Variants in RYR1 observed in about 807,000 individuals in gnomAD.
RYR1 encodes central core disease of muscle.
Under a neutral mutation model 583.5 loss-of-function variants are expected in RYR1, and 342 were observed. The ratio of observed to expected loss-of-function variants is 0.59; its 90% CI spans 0.54 to 0.64. The LOEUF (loss-of-function observed/expected upper bound fraction) is 0.64, where lower values mean the gene tolerates loss of function less well. RYR1 is among the 30% of genes least tolerant of loss of function. The pLI is 0.00. For missense variants in RYR1, 6,032 were observed against 6,917.2 expected (o/e 0.87, Z 4.54); for synonymous variants, 2,791 against 2,822.5 (o/e 0.99, Z 0.35).
At chr19:38,475,557 G>A (rs529683746) in intron 29 of RYR1, 107 bp downstream of exon 29, 1 of 1,373,542 alleles carries the variant, frequency 7.3e-7, no homozygotes, top group African/African-American at 1.4e-5. Context: ...CCTTACACTG[G>A]GGACTCCCCA....
rs775749719 is a variant in RYR1, at chr19:38,500,595, C to CT, written c.7324-10dup. Reference sequence around the variant, plus strand: ...CTGATGAGTGCCCCTCTCCCTCCCTCTACTCCCCAGCTAATCCAAGCCGGC... The same window carrying CT: ...CTGATGAGTGCCCCTCTCCCTCCCTCTTACTCCCCAGCTAATCCAAGCCGGC... On this transcript the variant is annotated splice_polypyrimidine_tract_variant and intron_variant, in intron 45 of 105. Transcript: ENST00000359596. The surrounding 1 kb of genome is among the most constrained non-coding windows in gnomAD (Gnocchi z 5.9). 6.8e-6 allele frequency: 11 copies of CT among 1,612,086 alleles called. No homozygotes were observed. In the African/African-American group the frequency reaches 1.5e-4, roughly 22 times the overall value.
At chr19:38,448,273 A>T in intron 9 of RYR1, 82 bp from the exon 10 acceptor site, 2 of 1,488,030 alleles carry the variant, frequency 1.3e-6, no homozygotes, top group Non-Finnish European at 1.8e-6. Flanking sequence ...TTCTGTAAAA[A>T]AAAGAAAAAG....
rs1300116692 is a variant in RYR1, at chr19:38,565,122, A to T, written c.12788A>T (p.Glu4263Val). 2.0e-6 allele frequency: 3 copies of T among 1,536,102 alleles called. No individual in the cohort carries two copies. The East Asian group carries it at 7.3e-5, about 38-fold the overall frequency. The change falls in exon 91 of 106, where the codon GAG becomes GTG. Residue 4263 changes from glutamate (E) to valine (V), a missense_variant. Physicochemically the swap from Glu to Val is moderately radical, Grantham distance 121. Around this residue, in one of 11 missense-constraint regions of RYR1, gnomAD observed 753 missense variants for 759.6 expected, o/e 0.99. Transcript: ENST00000359596. The surrounding 1 kb of genome is among the most constrained non-coding windows in gnomAD (Gnocchi z 4.7). ...GGCGAGCCGGAGACCGACGAGGACGAGGGCGCGGGCGCGGCGGAGGCGGGC... is the reference window on the plus strand; with the variant it reads ...GGCGAGCCGGAGACCGACGAGGACGTGGGCGCGGGCGCGGCGGAGGCGGGC... ...PEGEPETDED[E>V]GAGAAEAGAE...
intron 60 of RYR1, 61 bp from the exon 61 acceptor site, chr19:38,511,500 C>A: frequency 6.4e-7 from 1 of 1,572,492 alleles, no homozygotes; most frequent in Admixed American, 1.7e-5. Flanking sequence ...ACGCTGTCCT[C>A]GTCTCCTTGG....
In RYR1 at chr19:38,543,452, G is replaced by T. The variant is rs1251967879; in HGVS notation, c.11778+17G>T. On this transcript the variant is annotated intron_variant, in intron 85 of 105. Coordinates refer to ENST00000359596, the MANE Select transcript of RYR1 (RefSeq NM_000540.3). The surrounding 1 kb of genome is among the most constrained non-coding windows in gnomAD (Gnocchi z 4.4). ...CGGCTGCAGGTGAGGACGTGAGACG[G>T]TTCAGGTGTGACTTGGGTCGGGGGC... The T allele has an allele frequency of 1.9e-6, 3 of 1,614,252 alleles. No individual in the cohort carries two copies. Among genetic ancestry groups the T allele is most frequent in the Non-Finnish European group, 2.5e-6 (3 of 1,180,036 alleles).
intron 13 of RYR1, among the ~76,000 whole-genome samples, chr19:38,453,352 T>TGAGGCCC (rs1967192237): frequency 2.0e-5 from 3 of 151,310 alleles, no homozygotes; most frequent in Non-Finnish European, 2.9e-5. Context: ...GGGTGAGGCC[T>TGAGGCCC]GGGGAGGTGA....
chr19:38,555,142 A>G (rs187566991), intron 89 of RYR1, among the ~76,000 whole-genome samples: 1 of 152,164 alleles, frequency 6.6e-6, no homozygotes, highest in Non-Finnish European at 1.5e-5. Context: ...CTGCATATAA[A>G]TGGTATCATA....
At chr19:38,587,029 G>A (rs1375114653) in intron 105 of RYR1, among the ~76,000 whole-genome samples, 2 of 152,128 alleles carry the variant, frequency 1.3e-5, no homozygotes, top group Non-Finnish European at 2.9e-5. Flanking sequence ...AGCACTTCGG[G>A]AGGCCACAGC....
intron 37 of RYR1, among the ~76,000 whole-genome samples, chr19:38,492,264 C>G (rs1969582192): frequency 1.3e-5 from 2 of 150,562 alleles, no homozygotes; most frequent in South Asian, 4.2e-4. Context: ...ACTCAGGAGG[C>G]TGAGGTAGGA....
At chr19:38,504,107 A>C in intron 49 of RYR1, 113 bp from the exon 50 acceptor site, 59 of 1,068,368 alleles carry the variant, frequency 5.5e-5, no homozygotes, top group Middle Eastern at 5.2e-4. Context: ...CATAACCCAC[A>C]CCTCCTTCAT....
At position 38,543,660 on chromosome 19, in the gene RYR1, G is replaced by A; in HGVS notation, c.11907G>A (p.Gln3969=). 2 of 1,613,822 alleles carry A rather than the reference G, an allele frequency of 1.2e-6. No individual in the cohort carries two copies. The highest frequency in any genetic ancestry group is 1.7e-6 in the Non-Finnish European group (2 of 1,180,042). The part of the protein sequence containing the change: ...QVFNSLTEYI[Q]GPCTGNQQSL... ...TCAACAGCCTCACTGAGTACATCCA[G>A]GTAGGGCGCTCCCCCTGGGGCGGGA... The change falls in exon 86 of 106, where the codon CAG becomes CAA. Residue 3969 remains glutamine, a splice_region_variant and synonymous_variant. Coordinates refer to ENST00000359596, the MANE Select transcript of RYR1 (RefSeq NM_000540.3). The surrounding 1 kb of genome is among the most constrained non-coding windows in gnomAD (Gnocchi z 4.4).
intron 78 of RYR1, among the ~76,000 whole-genome samples, 177 bp from the exon 79 acceptor site, chr19:38,534,543 G>T (rs147933610): frequency 6.6e-6 from 1 of 152,072 alleles, no homozygotes; most frequent in Non-Finnish European, 1.5e-5. Context: ...GCCTAGCCCC[G>T]TGCTAGGTAC....
intron 1 of RYR1, among the ~76,000 whole-genome samples, chr19:38,439,276 A>G (rs4802446): frequency 0.95 from 144,850 of 152,116 alleles, 69,047 homozygotes; most frequent in East Asian, 0.99. Context: ...ATCTGGTGGT[A>G]GCAACCTCCA....
chr19:38,563,350 C>T (rs1423005031), intron 90 of RYR1, among the ~76,000 whole-genome samples: 1 of 152,226 alleles, frequency 6.6e-6, no homozygotes, highest in East Asian at 1.9e-4. Flanking sequence ...ACTCAACCTC[C>T]ACCTCCTGGG....
intron 34 of RYR1, among the ~76,000 whole-genome samples, chr19:38,486,975 G>A (rs1009759770): frequency 6.6e-6 from 1 of 151,896 alleles, no homozygotes; most frequent in Admixed American, 6.6e-5. Flanking sequence ...CAATCTATTT[G>A]CCCATCCATC....
At chr19:38,559,380 C>T (rs556834922) in intron 89 of RYR1, among the ~76,000 whole-genome samples, 14 of 151,808 alleles carry the variant, frequency 9.2e-5, no homozygotes, top group Admixed American at 2.0e-4. Context: ...ATTACAGGCA[C>T]GCACCATCAT....
chr19:38,499,628 T>G lies in RYR1; in HGVS notation c.7028-7T>G, dbSNP rs1015764412. 4.4e-6 allele frequency: 7 copies of G among 1,597,232 alleles called. No individual in the cohort carries two copies. The highest frequency in any genetic ancestry group is 5.9e-6 in the Non-Finnish European group (7 of 1,179,820). On this transcript the variant is annotated splice_polypyrimidine_tract_variant and splice_region_variant and intron_variant, in intron 43 of 105. Coordinates refer to ENST00000359596, the MANE Select transcript of RYR1 (RefSeq NM_000540.3). The surrounding 1 kb of genome is among the most constrained non-coding windows in gnomAD (Gnocchi z 7.3). The stretch of plus-strand genomic sequence containing the variant: ...ATGAGACCCCCTTTCCCCATGCGGG[T>G]GGCCAGGCGAGAGCGTGGAGGAGAA...
intron 96 of RYR1, 44 bp from the exon 97 acceptor site, chr19:38,575,875 G>A (rs1339839753): frequency 1.2e-6 from 2 of 1,607,784 alleles, no homozygotes; most frequent in Admixed American, 1.7e-5. Context: ...GATCCCTCTG[G>A]CCCTAACATC....
rs1454082721 is a variant in RYR1 at position 38,460,510 on chromosome 19, G to T, written c.2496G>T (p.Gly832=). ...CCATCAAGGAGTATCGACGGGAGGG[G>T]CCCCGGGGGCCTCACCTGGTGGGCC... ...LEPIKEYRRE[G]PRGPHLVGPS... Residue 832 remains glycine (G), a synonymous_variant, in exon 20 of 106, where the codon GGG becomes GGT. Coordinates refer to ENST00000359596, the MANE Select transcript of RYR1 (RefSeq NM_000540.3). 6.2e-7 allele frequency: 1 copy of T among 1,614,074 alleles called. No homozygotes were observed. The highest frequency in any genetic ancestry group is 1.3e-5 in the African/African-American group (1 of 74,950).
Sources: gnomAD v4.1 joint callset for allele counts (sites outside exome capture counted in the v4.1 genomes callset) on GRCh38, gnomAD v4.1.1 for gene constraint, gnomAD v4.1.1 regional missense constraint, Gnocchi (gnomAD v3.1) non-coding constraint, MANE v1.5 for transcripts, NCBI Gene and HGNC (gene_info 2026-07-23, HGNC 2026-07-21) for gene names.